The following USP25 variants were observed in gnomAD, a reference collection of about 807,000 sequenced individuals.
USP25 encodes the protein ubiquitin specific peptidase 25, also known as ubiquitin carboxyl-terminal hydrolase 25.
In USP25, 85 loss-of-function variants were observed where a neutral mutation model predicts 158.5. The observed-to-expected ratio is 0.54, with a 90% confidence interval of 0.45 to 0.64. USP25 has a LOEUF of 0.64. Among genes scored for constraint, USP25 ranks in the 30% least tolerant of loss-of-function variants. The pLI is 0.00. For synonymous variants in USP25, 464 were observed against 460.4 expected (o/e 1.01, Z -0.10); for missense variants, 1,242 against 1,327.3 (o/e 0.94, Z 1.00).
intron 5 of USP25, among the ~76,000 whole-genome samples, chr21:15,795,638 C>T (rs2035825118): frequency 6.6e-6 from 1 of 151,468 alleles, no homozygotes; most frequent in Non-Finnish European, 1.5e-5. Context: ...GTTTGTAGCT[C>T]TCAATCATCT....
intron 24 of USP25, 34 bp downstream of exon 24, chr21:15,874,560 T>A: frequency 6.5e-7 from 1 of 1,549,408 alleles, no homozygotes; most frequent in Non-Finnish European, 8.7e-7. Flanking sequence ...ATCTTATCAT[T>A]TTGTCTGACA....
At chr21:15,842,135 C>T (rs146318801) in intron 17 of USP25, among the ~76,000 whole-genome samples, 7 of 152,206 alleles carry the variant, frequency 4.6e-5, no homozygotes, top group African/African-American at 1.4e-4. Flanking sequence ...TTTCTCATGG[C>T]AGAAAAATTT....
intron 18 of USP25, among the ~76,000 whole-genome samples, chr21:15,847,222 T>C (rs36049479): frequency 0.018 from 2,689 of 152,198 alleles, 32 homozygotes; most frequent in South Asian, 0.029. Flanking sequence ...TCAAGAAAGG[T>C]TTTTGGGAGC....
intron 23 of USP25, among the ~76,000 whole-genome samples, chr21:15,874,021 A>G (rs1355404204): frequency 1.3e-5 from 2 of 152,156 alleles, no homozygotes; most frequent in African/African-American, 4.8e-5. Flanking sequence ...CATTTACTTC[A>G]TATAAATGTG....
At chr21:15,769,869 A>G (rs2034251326) in intron 3 of USP25, among the ~76,000 whole-genome samples, 1 of 152,188 alleles carries the variant, frequency 6.6e-6, no homozygotes, top group South Asian at 2.1e-4. Context: ...ATTTTAACAC[A>G]GAAAGTAATG....
In USP25 at chr21:15,811,155, G is replaced by A. The variant is rs1282493743; in HGVS notation, c.876G>A (p.Lys292=). The A allele has an allele frequency of 1.2e-6, 2 of 1,612,520 alleles. No individual in the cohort carries two copies. Among genetic ancestry groups the A allele is most frequent in the African/African-American group, 1.3e-5 (1 of 74,946 alleles). Residue 292 remains lysine (K), a synonymous_variant, in exon 9 of 26, where the codon AAG becomes AAA. Transcript: ENST00000400183. ...AEEETDEEKP[K]NPMVELFYGR... ...ACTTTAGGGATGAAGAGAAGCCAAA[G>A]AACCCCATGGTAGAGTTGTTCTATG...
chr21:15,874,626 G>C (rs551197709), intron 24 of USP25, 100 bp downstream of exon 24: 1 of 1,218,120 alleles, frequency 8.2e-7, no homozygotes, highest in African/African-American at 1.5e-5. Context: ...ACTCTGAGGG[G>C]ATAAGAACAT....
intron 9 of USP25, 107 bp from the exon 10 acceptor site, chr21:15,818,591 T>G (rs1193328088): frequency 1.1e-6 from 1 of 913,946 alleles, no homozygotes; most frequent in Admixed American, 2.6e-5. Flanking sequence ...AGGAATGAAA[T>G]CAGTCAGTGT....
At position 15,874,430 on chromosome 21, in the gene USP25, C is replaced by T. The variant is rs370665684; in HGVS notation, c.2913C>T (p.Ile971=). ...ATATAGATTCCTTGCTGTTCCTCAT[C>T]TGTGCTTATCAGAATAACAAAGAAC... is the stretch of plus-strand genomic sequence containing the variant. ...ESYIDSLLFL[I]CAYQNNKELL... The change falls in exon 24 of 26, where the codon ATC becomes ATT. Residue 971 remains isoleucine, a synonymous_variant. Coordinates refer to ENST00000400183, the MANE Select transcript of USP25 (RefSeq NM_001283041.3). 6.2e-7 allele frequency: 1 copy of T among 1,608,740 alleles called. No individual in the cohort carries two copies. Among genetic ancestry groups the T allele is most frequent in the Non-Finnish European group, 8.5e-7 (1 of 1,176,954 alleles).
intron 17 of USP25, among the ~76,000 whole-genome samples, chr21:15,838,711 G>A (rs1052822602): frequency 2.6e-5 from 4 of 152,124 alleles, no homozygotes; most frequent in Non-Finnish European, 5.9e-5. Flanking sequence ...AACGTAATAA[G>A]TATTGACTTA....
At chr21:15,799,086 G>T (rs538099525) in intron 5 of USP25, among the ~76,000 whole-genome samples, 1 of 151,206 alleles carries the variant, frequency 6.6e-6, no homozygotes, top group African/African-American at 2.4e-5. Flanking sequence ...ATGATACATT[G>T]TGATATTTTC....
In USP25 at chr21:15,853,287, GTGTACACA is replaced by G. The variant is rs1291067021; in HGVS notation, c.2547+3419_2547+3426del. Among the ~76,000 whole-genome samples, 305 of 151,588 alleles carry G rather than the reference GTGTACACA, an allele frequency of 2.0e-3. 1 individual carries two copies. Among genetic ancestry groups the G allele is most frequent in the Middle Eastern group, 0.01 (3 of 292 alleles). The stretch of plus-strand genomic sequence containing the variant: ...GCTGTCTGTATACACACATACACAT[GTGTACACA>G]TGTGTACACACAGGTACACACATGT... On this transcript the variant is annotated intron_variant, in intron 20 of 25. Coordinates refer to ENST00000400183, the MANE Select transcript of USP25 (RefSeq NM_001283041.3).
chr21:15,841,196 C>A (rs1235843512), intron 17 of USP25, among the ~76,000 whole-genome samples: 2 of 152,184 alleles, frequency 1.3e-5, no homozygotes, highest in African/African-American at 4.8e-5. Context: ...TTGGTGTGTT[C>A]ATGTGCAGTC....
chr21:15,768,093 G>C (rs149320163), intron 3 of USP25, among the ~76,000 whole-genome samples: 1 of 151,928 alleles, frequency 6.6e-6, no homozygotes, highest in Non-Finnish European at 1.5e-5. Flanking sequence ...TATTCACGAG[G>C]TAATTTTATT....
chr21:15,781,439 CA>C (rs755659815), intron 4 of USP25, among the ~76,000 whole-genome samples: 1 of 152,158 alleles, frequency 6.6e-6, no homozygotes, highest in Admixed American at 6.5e-5. Context: ...TCATCCATCA[CA>C]ATGGCTAAAA....
In USP25 at chr21:15,816,485, T is replaced by TA. The variant is rs1354631010; in HGVS notation, c.932-2213_932-2212insA. 6.6e-6 allele frequency among the ~76,000 whole-genome samples: 1 copy of TA among 152,214 alleles called. No homozygotes were observed. Among genetic ancestry groups the TA allele is most frequent in the Non-Finnish European group, 1.5e-5 (1 of 68,046 alleles). On this transcript the variant is annotated intron_variant, in intron 9 of 25. Transcript: ENST00000400183. This position sits in a 1 kb window ranked among gnomAD's most constrained non-coding sequence, Gnocchi z 4.0. ...CTTAAAAACACATTTCTCTGGCTTT[T>TA]GTAACACCATATTCTTGTGGCTTTT...
chr21:15,865,884 T>C (rs962200498), intron 21 of USP25, among the ~76,000 whole-genome samples: 8 of 152,104 alleles, frequency 5.3e-5, no homozygotes, highest in Admixed American at 3.3e-4. Context: ...TTTAGACTCT[T>C]TAGTATTTAA....
intron 1 of USP25, among the ~76,000 whole-genome samples, chr21:15,753,001 G>T (rs2033133641): frequency 6.6e-6 from 1 of 152,216 alleles, no homozygotes; most frequent in African/African-American, 2.4e-5. Context: ...AGAGAATGCA[G>T]GTTTTGGTCA....
At chr21:15,851,266 T>C (rs1361844290) in intron 20 of USP25, among the ~76,000 whole-genome samples, 2 of 152,172 alleles carry the variant, frequency 1.3e-5, no homozygotes, top group African/African-American at 2.4e-5. Context: ...AATATCTGCA[T>C]ATAAATAATC....
Sources: allele counts gnomAD v4.1 joint callset (sites outside exome capture counted in the v4.1 genomes callset), GRCh38; gene constraint gnomAD v4.1.1; non-coding constraint Gnocchi (gnomAD v3.1); transcripts MANE v1.5; gene names NCBI Gene and HGNC (gene_info 2026-07-23, HGNC 2026-07-21).